The following CDC14B variants were observed in gnomAD, a reference collection of about 807,000 sequenced individuals.
CDC14B encodes the protein cell division cycle 14B.
In CDC14B, 22 loss-of-function variants were observed where a neutral mutation model predicts 64.2. That is an observed-to-expected ratio of 0.34 (90% confidence interval 0.24 to 0.49). The LOEUF is 0.49. Ranked by LOEUF, CDC14B falls within the 20% of genes least tolerant of loss-of-function variation. The pLI is 0.99. For synonymous variants in CDC14B, 191 were observed against 215.8 expected (o/e 0.89, Z 1.01); for missense variants, 498 against 629.9 (o/e 0.79, Z 2.24).
At chr9:96,619,149 G>A in intron 1 of CDC14B, 70 bp downstream of exon 1, 2 of 1,180,742 alleles carry the variant, frequency 1.7e-6, no homozygotes, top group South Asian at 4.1e-5. Flanking sequence ...CAGCCCGGTG[G>A]GAGGTGGGCC....
chr9:96,551,111 CTTT>C (rs202193145), intron 5 of CDC14B, among the ~76,000 whole-genome samples: 29,834 of 93,202 alleles, frequency 0.32, 4,839 homozygotes, highest in East Asian at 0.7. Flanking sequence ...TTGGGGTTTG[CTTT>C]TTTTTTTTTT....
intron 1 of CDC14B, among the ~76,000 whole-genome samples, chr9:96,617,021 G>C (rs992623787): frequency 2.6e-5 from 4 of 152,052 alleles, no homozygotes; most frequent in African/African-American, 9.7e-5. Context: ...GAAGTCACAG[G>C]GAAAGGTGAC....
In CDC14B at chr9:96,526,225, G is replaced by A. The variant is rs868517356; in HGVS notation, c.947-2500C>T. 3.9e-5 allele frequency among the ~76,000 whole-genome samples: 6 copies of A among 152,206 alleles called. No individual in the cohort carries two copies. In the South Asian group the frequency reaches 8.3e-4, roughly 21 times the overall value. ...TACTAAAAAATACAAAAAATTAGCCGGGCGTGGTGGCAGGCACCTGTAGTC... is the reference window on the plus strand; with the variant it reads ...TACTAAAAAATACAAAAAATTAGCCAGGCGTGGTGGCAGGCACCTGTAGTC... On this transcript the variant is annotated intron_variant, in intron 9 of 13. Transcript: ENST00000375241.
rs528306632 is a variant in CDC14B, at chr9:96,520,757, A to G, written c.1343+1749T>C. 5.3e-5 allele frequency among the ~76,000 whole-genome samples: 8 copies of G among 152,060 alleles called. No homozygotes were observed. The South Asian group carries it at 1.7e-3, about 32-fold the overall frequency. ...TCAGTTTCCTAGGGCTTGCAATTCA[A>G]TGTGTGGTCCCTGGACCAGCAGCCT... On this transcript the variant is annotated intron_variant, in intron 12 of 13. Transcript: ENST00000375241.
intron 13 of CDC14B, among the ~76,000 whole-genome samples, chr9:96,504,924 C>T (rs1042552131): frequency 7.2e-5 from 11 of 152,196 alleles, no homozygotes; most frequent in Non-Finnish European, 1.3e-4. Flanking sequence ...CCTGTAATCC[C>T]AGCACTTTGA....
intron 4 of CDC14B, among the ~76,000 whole-genome samples, chr9:96,555,278 C>G (rs1842355838): frequency 6.6e-6 from 1 of 152,136 alleles, no homozygotes; most frequent in Non-Finnish European, 1.5e-5. Context: ...TCTTAGAACC[C>G]TCGCTCTGGG....
chr9:96,565,146 T>C (rs934137610), intron 2 of CDC14B, among the ~76,000 whole-genome samples: 2 of 151,954 alleles, frequency 1.3e-5, no homozygotes, highest in African/African-American at 4.8e-5. Context: ...AACCACAATA[T>C]CTTACTTAGT....
At chr9:96,553,903 C>T (rs1460401475) in intron 4 of CDC14B, among the ~76,000 whole-genome samples, 2 of 151,946 alleles carry the variant, frequency 1.3e-5, no homozygotes, top group Admixed American at 6.5e-5. Flanking sequence ...CGGTGGCTCA[C>T]GCCTGTAATC....
intron 9 of CDC14B, among the ~76,000 whole-genome samples, chr9:96,529,964 T>C (rs1420509389): frequency 1.3e-5 from 2 of 152,154 alleles, no homozygotes; most frequent in Non-Finnish European, 2.9e-5. Flanking sequence ...TGTATATCCC[T>C]TCGGGCAATA....
intron 11 of CDC14B, 64 bp from the exon 12 acceptor site, chr9:96,522,667 A>G: frequency 9.9e-7 from 1 of 1,012,060 alleles, no homozygotes; most frequent in East Asian, 2.4e-5. Context: ...AGTACAGCAG[A>G]GCAGCAATTT....
At chr9:96,532,116 G>C (rs184017830) in intron 9 of CDC14B, among the ~76,000 whole-genome samples, 156 of 152,252 alleles carry the variant, frequency 1.0e-3, no homozygotes, top group African/African-American at 3.7e-3. Flanking sequence ...ACAAGTTACA[G>C]TAATAATATT....
At chr9:96,611,984 C>T (rs1847349385) in intron 1 of CDC14B, among the ~76,000 whole-genome samples, 1 of 152,194 alleles carries the variant, frequency 6.6e-6, no homozygotes, top group African/African-American at 2.4e-5. Context: ...ATAAGCTTAG[C>T]TGCAATTTAA....
intron 5 of CDC14B, among the ~76,000 whole-genome samples, chr9:96,546,613 C>T (rs922988743): frequency 3.3e-5 from 5 of 152,012 alleles, no homozygotes; most frequent in Admixed American, 6.5e-5. Flanking sequence ...CCATGCCCTG[C>T]TAATTTTTGT....
At chr9:96,505,148 T>C (rs1471311082) in intron 13 of CDC14B, among the ~76,000 whole-genome samples, 1 of 148,688 alleles carries the variant, frequency 6.7e-6, no homozygotes, top group Admixed American at 6.8e-5. Flanking sequence ...ACCACAGCAC[T>C]CCAGCCTGGG....
At chr9:96,517,906 A>AC in intron 12 of CDC14B, among the ~76,000 whole-genome samples, 1 of 151,594 alleles carries the variant, frequency 6.6e-6, no homozygotes, top group Non-Finnish European at 1.5e-5. Flanking sequence ...TCCTGGGCTC[A>AC]AGTGATCCTG....
chr9:96,612,644 T>C (rs1032421332), intron 1 of CDC14B, among the ~76,000 whole-genome samples: 34 of 152,232 alleles, frequency 2.2e-4, no homozygotes, highest in African/African-American at 8.2e-4. Context: ...AAAGTTTTTC[T>C]TCCCTAAAGA....
At chr9:96,529,933 T>A (rs959183596) in intron 9 of CDC14B, among the ~76,000 whole-genome samples, 1 of 152,196 alleles carries the variant, frequency 6.6e-6, no homozygotes, top group Non-Finnish European at 1.5e-5. Flanking sequence ...TGTTGAAATT[T>A]TGACAGGCTT....
chr9:96,617,612 C>A (rs1847710938), intron 1 of CDC14B, among the ~76,000 whole-genome samples: 1 of 152,056 alleles, frequency 6.6e-6, no homozygotes, highest in Admixed American at 6.6e-5. Flanking sequence ...GTGTGCTACT[C>A]GCACGTGTAT....
chr9:96,562,504 A>G (rs1379019982), intron 4 of CDC14B, 189 bp downstream of exon 4: 1 of 587,864 alleles, frequency 1.7e-6, no homozygotes, highest in African/African-American at 1.9e-5. Context: ...AAGGTACAGG[A>G]GATCTCTCAT....
Sources: allele counts gnomAD v4.1 joint callset (sites outside exome capture counted in the v4.1 genomes callset), GRCh38; gene constraint gnomAD v4.1.1; transcripts MANE v1.5; gene names NCBI Gene and HGNC (gene_info 2026-07-23, HGNC 2026-07-21).